Variants in CLINT1 observed in about 807,000 individuals in gnomAD.
CLINT1 encodes clathrin interacting protein localized in the trans-Golgi region.
Under a neutral mutation model 70.4 loss-of-function variants are expected in CLINT1, and 15 were observed. The ratio of observed to expected loss-of-function variants is 0.21; its 90% CI spans 0.14 to 0.33. CLINT1 has a LOEUF of 0.33. CLINT1 is among the 10% of genes least tolerant of loss of function. CLINT1 has a pLI of 1.00. For synonymous variants in CLINT1, 227 were observed against 254.7 expected (o/e 0.89, Z 1.04); for missense variants, 615 against 778.1 (o/e 0.79, Z 2.49).
chr5:157,848,186 ACTTTCCAG>A (rs1753446753), intron 1 of CLINT1, among the ~76,000 whole-genome samples: 1 of 148,448 alleles, frequency 6.7e-6, no homozygotes, highest in Non-Finnish European at 1.5e-5. Flanking sequence ...TGAAACCTCC[ACTTTCCAG>A]ATTCAAGCAA....
At chr5:157,801,781 T>G (rs759164346) in intron 8 of CLINT1, among the ~76,000 whole-genome samples, 14 of 152,178 alleles carry the variant, frequency 9.2e-5, no homozygotes, top group Non-Finnish European at 1.9e-4. Flanking sequence ...TCCAAGAATT[T>G]TAACATAGTA....
intron 8 of CLINT1, among the ~76,000 whole-genome samples, chr5:157,798,579 C>A (rs994669790): frequency 6.6e-6 from 1 of 150,606 alleles, no homozygotes; most frequent in Non-Finnish European, 1.5e-5. Flanking sequence ...TGGCAAAGTG[C>A]AAAAAAAATG....
At chr5:157,809,462 G>A (rs369628371) in intron 6 of CLINT1, among the ~76,000 whole-genome samples, 166 bp downstream of exon 6, 114 of 147,718 alleles carry the variant, frequency 7.7e-4, no homozygotes, top group African/African-American at 2.8e-3. Context: ...ATTTTTCTGT[G>A]AGCTTAAATT....
At chr5:157,851,075 A>T (rs200864884) in intron 1 of CLINT1, among the ~76,000 whole-genome samples, 2 of 152,318 alleles carry the variant, frequency 1.3e-5, no homozygotes, top group East Asian at 3.9e-4. Flanking sequence ...TACAGTTGTG[A>T]GCCACGGCAC....
intron 1 of CLINT1, among the ~76,000 whole-genome samples, chr5:157,850,503 T>C (rs1375956334): frequency 1.4e-5 from 2 of 148,144 alleles, no homozygotes; most frequent in Non-Finnish European, 3.0e-5. Context: ...CCCTCTTACT[T>C]GGGGGACTAA....
At chr5:157,825,975 T>C (rs1462535817) in intron 1 of CLINT1, among the ~76,000 whole-genome samples, 1 of 152,176 alleles carries the variant, frequency 6.6e-6, no homozygotes, top group Non-Finnish European at 1.5e-5. Flanking sequence ...TTAATTCAAA[T>C]TTTTACACTG....
intron 5 of CLINT1, 107 bp downstream of exon 5, chr5:157,812,956 C>T (rs1048039928): frequency 2.2e-5 from 23 of 1,040,614 alleles, no homozygotes; most frequent in Non-Finnish European, 3.2e-5. Flanking sequence ...TCTATGTATT[C>T]CTAGAAAAGA....
At chr5:157,814,716 G>A (rs1004318934) in intron 3 of CLINT1, among the ~76,000 whole-genome samples, 2 of 152,116 alleles carry the variant, frequency 1.3e-5, no homozygotes, top group African/African-American at 4.8e-5. Context: ...TAATTTTGAG[G>A]TTAATTATGT....
chr5:157,854,157 T>A (rs1753670665), intron 1 of CLINT1, among the ~76,000 whole-genome samples: 1 of 152,054 alleles, frequency 6.6e-6, no homozygotes, highest in Non-Finnish European at 1.5e-5. Context: ...GATTTACTGG[T>A]AAGATAAAGA....
chr5:157,822,358 T>C (rs1373944414), intron 1 of CLINT1, among the ~76,000 whole-genome samples: 2 of 152,140 alleles, frequency 1.3e-5, no homozygotes, highest in East Asian at 3.8e-4. Flanking sequence ...TCTCATGGTC[T>C]TATCAGGGGT....
At chr5:157,812,080 A>G (rs1178357039) in intron 5 of CLINT1, among the ~76,000 whole-genome samples, 2 of 152,202 alleles carry the variant, frequency 1.3e-5, no homozygotes, top group African/African-American at 4.8e-5. Flanking sequence ...TAAAAAAGGG[A>G]ATTTTTCTGC....
At chr5:157,824,460 T>A (rs1229514828) in intron 1 of CLINT1, among the ~76,000 whole-genome samples, 1 of 152,160 alleles carries the variant, frequency 6.6e-6, no homozygotes, top group Non-Finnish European at 1.5e-5. Flanking sequence ...GAAAAACTCA[T>A]TCGTCCACAT....
chr5:157,816,739 A>T lies in CLINT1; in HGVS notation c.238T>A (p.Tyr80Asn). ...AAGCAGACTTGTGTCCATACCTTATAAACTCTTCTCCAATTCTTTTTGTTG... is the reference window on the plus strand; with the variant it reads ...AAGCAGACTTGTGTCCATACCTTATTAACTCTTCTCCAATTCTTTTTGTTG... ...KDNKKNWRRV[Y>N]KSLLLLAYLI... is the part of the protein sequence containing the mutation. Residue 80 changes from tyrosine to asparagine, a missense_variant, in exon 3 of 12, where the codon TAT becomes AAT. This residue lies in a region of CLINT1 where 241 missense variants were observed against 368.6 expected (regional missense o/e 0.65). Transcript: ENST00000411809. The T allele has an allele frequency of 6.2e-7, 1 of 1,605,990 alleles. No individual in the cohort carries two copies. Among genetic ancestry groups the T allele is most frequent in the South Asian group, 1.1e-5 (1 of 89,786 alleles).
intron 1 of CLINT1, among the ~76,000 whole-genome samples, chr5:157,843,524 G>T (rs887269837): frequency 6.6e-6 from 1 of 152,156 alleles, no homozygotes; most frequent in Non-Finnish European, 1.5e-5. Flanking sequence ...CTGGAAGGTA[G>T]ACCTTATCCT....
intron 5 of CLINT1, among the ~76,000 whole-genome samples, chr5:157,812,669 T>C (rs927318143): frequency 5.3e-5 from 8 of 152,304 alleles, no homozygotes; most frequent in Middle Eastern, 3.4e-3. Context: ...TACAGCTAAA[T>C]TGGTTTCAAA....
chr5:157,818,362 A>G (rs1222188757), intron 1 of CLINT1, among the ~76,000 whole-genome samples: 2 of 151,692 alleles, frequency 1.3e-5, no homozygotes, highest in Non-Finnish European at 2.9e-5. Flanking sequence ...GTGTTTATTT[A>G]GCACAGTGTC....
At chr5:157,824,253 C>G in intron 1 of CLINT1, among the ~76,000 whole-genome samples, 1 of 152,304 alleles carries the variant, frequency 6.6e-6, no homozygotes, top group Middle Eastern at 3.4e-3. Context: ...CACCACATTA[C>G]CCTTGTTTGC....
chr5:157,839,555 T>C (rs757971347), intron 1 of CLINT1, among the ~76,000 whole-genome samples: 4 of 151,476 alleles, frequency 2.6e-5, no homozygotes, highest in Admixed American at 1.3e-4. Context: ...TGAGCCGAGA[T>C]TGTGCACTGC....
intron 8 of CLINT1, 48 bp downstream of exon 8, chr5:157,803,602 T>TA (rs1192700804): frequency 2.3e-6 from 3 of 1,318,924 alleles, no homozygotes; most frequent in Admixed American, 6.0e-5. Flanking sequence ...TTTGGCATTT[T>TA]AAAAAATGAC....
Sources: allele counts gnomAD v4.1 joint callset (sites outside exome capture counted in the v4.1 genomes callset), GRCh38; gene constraint gnomAD v4.1.1; regional missense constraint gnomAD v4.1.1; transcripts MANE v1.5; gene names NCBI Gene and HGNC (gene_info 2026-07-23, HGNC 2026-07-21).